FRAS1: variants seen among roughly 807,000 people sequenced by gnomAD.
FRAS1 encodes the protein Fraser extracellular matrix complex subunit 1.
In FRAS1, 290 loss-of-function variants were observed where a neutral mutation model predicts 435.2. The observed-to-expected ratio is 0.67, with a 90% CI of 0.61 to 0.73. FRAS1 has a LOEUF of 0.73. Ranked by LOEUF, FRAS1 falls within the 30% of genes least tolerant of loss-of-function variation. FRAS1 has a pLI of 0.00. For synonymous variants in FRAS1, 1,800 were observed against 1,851.0 expected (o/e 0.97, Z 0.71); for missense variants, 4,860 against 5,001.5 (o/e 0.97, Z 0.85).
At chr4:78,063,688 AAAAT>A (rs1322514772) in intron 1 of FRAS1, among the ~76,000 whole-genome samples, 2 of 152,128 alleles carry the variant, frequency 1.3e-5, no homozygotes, top group Admixed American at 1.3e-4. Context: ...TAAACTTCCA[AAAAT>A]AGGTTTTGAT....
intron 17 of FRAS1, among the ~76,000 whole-genome samples, chr4:78,318,482 T>G (rs17003126): frequency 0.029 from 4,343 of 152,310 alleles, 213 homozygotes; most frequent in African/African-American, 0.096. Flanking sequence ...GGGCATAATG[T>G]TAAATCATCA....
At chr4:78,285,473 C>T (rs2110185831) in intron 13 of FRAS1, among the ~76,000 whole-genome samples, 1 of 151,214 alleles carries the variant, frequency 6.6e-6, no homozygotes, top group Non-Finnish European at 1.5e-5. Context: ...ACTCTGTCAC[C>T]CAGGCTGGAG....
chr4:78,249,046 C>CATATATATATATATA (rs1725388139), intron 4 of FRAS1, among the ~76,000 whole-genome samples: 1 of 27,172 alleles, frequency 3.7e-5, no homozygotes, highest in Non-Finnish European at 9.6e-5. Flanking sequence ...TGAAGAACTA[C>CATATATATATATATA]TGATATATAT....
At chr4:78,091,112 T>A (rs1487575406) in intron 2 of FRAS1, among the ~76,000 whole-genome samples, 2 of 152,182 alleles carry the variant, frequency 1.3e-5, no homozygotes, top group Non-Finnish European at 2.9e-5. Context: ...GTTTCACCGC[T>A]GTTTGAAACA....
chr4:78,391,339 C>T (rs562847143), intron 29 of FRAS1, among the ~76,000 whole-genome samples: 30 of 152,292 alleles, frequency 2.0e-4, no homozygotes, highest in Middle Eastern at 3.4e-3. Flanking sequence ...GAAACATGTT[C>T]TGTTGGGGGA....
chr4:78,161,389 A>G (rs1045709616), intron 2 of FRAS1, among the ~76,000 whole-genome samples: 1 of 152,096 alleles, frequency 6.6e-6, no homozygotes, highest in Non-Finnish European at 1.5e-5. Flanking sequence ...GTCACATGCA[A>G]GCTGTGTGGC....
intron 2 of FRAS1, among the ~76,000 whole-genome samples, chr4:78,211,329 A>G (rs972330152): frequency 2.6e-5 from 4 of 152,242 alleles, no homozygotes; most frequent in African/African-American, 9.6e-5. Context: ...GAGAAATGCC[A>G]TCTTTCGATG....
intron 59 of FRAS1, among the ~76,000 whole-genome samples, chr4:78,492,321 A>G (rs570636833): frequency 2.0e-5 from 3 of 152,316 alleles, no homozygotes; most frequent in African/African-American, 7.2e-5. Flanking sequence ...GAACCATAAA[A>G]GAGCCATATA....
At chr4:78,196,582 G>A (rs1722822596) in intron 2 of FRAS1, among the ~76,000 whole-genome samples, 1 of 137,102 alleles carries the variant, frequency 7.3e-6, no homozygotes. Flanking sequence ...CAAAATTAAA[G>A]CCATGAACTA....
chr4:78,168,695 C>T (rs775701194), intron 2 of FRAS1, among the ~76,000 whole-genome samples: 2 of 152,008 alleles, frequency 1.3e-5, no homozygotes, highest in Non-Finnish European at 2.9e-5. Context: ...TTCTCCCTCA[C>T]CTGTGATAAT....
chr4:78,407,697 C>T lies in FRAS1; in HGVS notation c.4164C>T (p.Asp1388=). Reference sequence around the variant, plus strand: ...TCCTTCTAGTGAATATGCCTGCAGACAGCCCTGCAGATGAAGGGCAGCACC... The same window carrying T: ...TCCTTCTAGTGAATATGCCTGCAGATAGCCCTGCAGATGAAGGGCAGCACC... ...EVVLLVNMPA[D]SPADEGQHLP... The change falls in exon 31 of 74, where the codon GAC becomes GAT. Residue 1388 remains aspartate (D), a synonymous_variant. Transcript: ENST00000512123. The T allele has an allele frequency of 6.2e-7, 1 of 1,613,374 alleles. No individual in the cohort carries two copies. Among genetic ancestry groups the T allele is most frequent in the Non-Finnish European group, 8.5e-7 (1 of 1,179,622 alleles).
At chr4:78,078,267 A>G (rs1213152681) in intron 2 of FRAS1, among the ~76,000 whole-genome samples, 1 of 152,148 alleles carries the variant, frequency 6.6e-6, no homozygotes, top group Non-Finnish European at 1.5e-5. Context: ...CTCTTCAATT[A>G]TTTCCTTTGG....
intron 2 of FRAS1, among the ~76,000 whole-genome samples, chr4:78,109,086 C>T: frequency 1.6e-5 from 1 of 64,258 alleles, no homozygotes; most frequent in East Asian, 3.4e-4. Context: ...ATAACAGGCT[C>T]TGAAATTGTG....
At position 78,453,193 on chromosome 4, in the gene FRAS1, GA is replaced by G. The variant is rs372148773; in HGVS notation, c.6763+840del. Among the ~76,000 whole-genome samples the G allele has an allele frequency of 3.2e-3, 483 of 152,252 alleles. 2 individuals are homozygous for G. Among genetic ancestry groups the G allele is most frequent in the African/African-American group, 0.011 (452 of 41,534 alleles). On this transcript the variant is annotated intron_variant, in intron 47 of 73. Transcript: ENST00000512123. ...CAATAGTGAGTCACTGTGGAATTTT[GA>G]GCAAGGAAGAAAAGTGAAACTCATC...
intron 2 of FRAS1, among the ~76,000 whole-genome samples, chr4:78,232,864 A>G (rs1251184624): frequency 6.6e-6 from 1 of 152,192 alleles, no homozygotes; most frequent in Non-Finnish European, 1.5e-5. Context: ...TACAAAGAGG[A>G]ATCAAATGAG....
chr4:78,532,506 C>T (rs1721746475), intron 70 of FRAS1, among the ~76,000 whole-genome samples: 1 of 152,296 alleles, frequency 6.6e-6, no homozygotes, highest in Non-Finnish European at 1.5e-5. Context: ...TACCTGCATT[C>T]ACACGTGTGT....
At chr4:78,449,542 G>C (rs948705731) in intron 44 of FRAS1, among the ~76,000 whole-genome samples, 2 of 152,086 alleles carry the variant, frequency 1.3e-5, no homozygotes, top group Non-Finnish European at 2.9e-5. Context: ...TAAAGCGGCT[G>C]GGTAATAAAG....
chr4:78,539,166 G>T, intron 72 of FRAS1, 128 bp from the exon 73 acceptor site: 1 of 837,492 alleles, frequency 1.2e-6, no homozygotes, highest in Non-Finnish European at 1.8e-6. Context: ...GGGCTTCACA[G>T]CACATACTCT....
chr4:78,374,034 C>A, intron 24 of FRAS1, 77 bp from the exon 25 acceptor site: 1 of 1,412,856 alleles, frequency 7.1e-7, no homozygotes, highest in Non-Finnish European at 9.6e-7. Context: ...CTGGACATCT[C>A]ATGCTGCCTT....
Sources: gnomAD v4.1 joint callset for allele counts (sites outside exome capture counted in the v4.1 genomes callset) on GRCh38, gnomAD v4.1.1 for gene constraint, MANE v1.5 for transcripts, NCBI Gene and HGNC (gene_info 2026-07-23, HGNC 2026-07-21) for gene names.